AIF1L: variants seen among roughly 807,000 people sequenced by gnomAD.
The protein encoded by AIF1L is allograft inflammatory factor 1-like.
In AIF1L, 12 loss-of-function variants were observed where a neutral mutation model predicts 20.7. That is an observed-to-expected ratio of 0.58 (90% CI 0.37 to 0.94). The LOEUF (loss-of-function observed/expected upper bound fraction) is 0.94, where lower values mean the gene tolerates loss of function less well. AIF1L is among the 40% of genes least tolerant of loss of function. The probability of loss-of-function intolerance (pLI) is 0.01; values close to 1 mark genes in which losing one functional copy is unlikely to be tolerated. For synonymous variants in AIF1L, 76 were observed against 65.1 expected, an observed-to-expected ratio of 1.17 and a Z score of -0.81; for missense variants, 173 against 185.3, an observed-to-expected ratio of 0.93 and a Z score of 0.39.
Position 131,096,927 on chromosome 9 carries a change from C to T in AIF1L, c.93+64C>T, listed in dbSNP as rs528875263. On this transcript the variant is annotated intron_variant, in intron 2 of 5. Transcript: ENST00000247291. ...CGCGCGCTGCGCGGGTGCCACCTCT[C>T]CTTCCGCGAGGCCGTGCCCGCCTCC... 4 of 1,463,908 alleles carry T rather than the reference C, an allele frequency of 2.7e-6. No homozygotes were observed. In the South Asian group the frequency reaches 5.2e-5, roughly 19 times the overall value. 90.7% of individuals were successfully genotyped at this position (1,463,908 alleles called of 1,614,324 possible). A position where few individuals can be genotyped will look rare whatever the true frequency, so the allele number is the denominator to read the frequency against.
chr9:131,099,311 C>T (rs1317257708), intron 2 of AIF1L, among the ~76,000 whole-genome samples: 1 of 152,174 alleles, frequency 6.6e-6, no homozygotes, highest in Non-Finnish European at 1.5e-5. Flanking sequence ...CTCTGGAGTC[C>T]CTGCAACAAT....
intron 2 of AIF1L, among the ~76,000 whole-genome samples, chr9:131,100,002 C>T (rs1830602938): frequency 6.6e-6 from 1 of 152,102 alleles, no homozygotes; most frequent in African/African-American, 2.4e-5. Context: ...GCTAGGATTA[C>T]AGGCGTGAGC....
chr9:131,104,018 A>T lies in AIF1L; in HGVS notation c.93+7155A>T, dbSNP rs377433430. 2.0e-5 allele frequency among the ~76,000 whole-genome samples: 3 copies of T among 152,224 alleles called. No homozygotes were observed. In the East Asian group the frequency reaches 5.8e-4, roughly 29 times the overall value. ...TTCTGGTTCTGTGGCTGGGTGGATAATTTAACAGCTCTGCCACCTCCCAGG... is the reference window on the plus strand; with the variant it reads ...TTCTGGTTCTGTGGCTGGGTGGATATTTTAACAGCTCTGCCACCTCCCAGG... On this transcript the variant is annotated intron_variant, in intron 2 of 5. Coordinates refer to ENST00000247291, the MANE Select transcript of AIF1L (RefSeq NM_031426.4).
chr9:131,116,695 C>G (rs1831021207), intron 4 of AIF1L, among the ~76,000 whole-genome samples: 1 of 152,258 alleles, frequency 6.6e-6, no homozygotes, highest in Non-Finnish European at 1.5e-5. Flanking sequence ...TAAAGAACCT[C>G]TTTGTACATG....
intron 3 of AIF1L, among the ~76,000 whole-genome samples, chr9:131,113,606 C>T (rs1006199300): frequency 1.3e-5 from 2 of 151,668 alleles, no homozygotes; most frequent in Non-Finnish European, 2.9e-5. Flanking sequence ...GTGTATCCCC[C>T]CTGAGATCAC....
chr9:131,112,087 G>A (rs1178255707), intron 3 of AIF1L: 1 of 171,958 alleles, frequency 5.8e-6, no homozygotes, highest in Non-Finnish European at 1.3e-5. Flanking sequence ...TGTCACCGCA[G>A]TGGGGCAGGG....
intron 2 of AIF1L, among the ~76,000 whole-genome samples, chr9:131,109,515 C>A (rs1446298280): frequency 6.6e-6 from 1 of 152,030 alleles, no homozygotes; most frequent in African/African-American, 2.4e-5. Flanking sequence ...GCCAACATTG[C>A]GCCACTGGAC....
rs1336083090 is a variant in AIF1L, at chr9:131,096,609, G to T, written c.-21G>T. The T allele has an allele frequency of 8.1e-6, 12 of 1,484,612 alleles. No homozygotes were observed. The highest frequency in any genetic ancestry group is 8.9e-6 in the Non-Finnish European group (10 of 1,125,836). The allele number at this position is 1,484,612 out of a possible 1,614,324, so 92.0% of individuals were successfully genotyped here. ...CGCCGCGTCCGCGAAGCCTGGAGCCGGCGGGAGCCCCGCGCTCGCCATGTC... is the reference window on the plus strand; with the variant it reads ...CGCCGCGTCCGCGAAGCCTGGAGCCTGCGGGAGCCCCGCGCTCGCCATGTC... On this transcript the variant is annotated 5_prime_UTR_variant, in exon 1 of 6. Coordinates refer to ENST00000247291, the MANE Select transcript of AIF1L (RefSeq NM_031426.4).
chr9:131,111,641 A>G lies in AIF1L; in HGVS notation c.138A>G (p.Pro46=), dbSNP rs771959300. 1.1e-5 allele frequency: 17 copies of G among 1,613,946 alleles called. No homozygotes were observed. The highest frequency in any genetic ancestry group is 1.6e-4 in the Middle Eastern group (1 of 6,084). The change falls in exon 3 of 6, where the codon CCA becomes CCG. Residue 46 remains proline (P), a synonymous_variant. Coordinates refer to ENST00000247291, the MANE Select transcript of AIF1L (RefSeq NM_031426.4). ...AGTACAGTGATGAAGAGAACCTTCC[A>G]GAAAAGCTCACAGCCTTCAAAGGTA... ...DQKYSDEENL[P]EKLTAFKEKY...
intron 4 of AIF1L, among the ~76,000 whole-genome samples, chr9:131,116,215 G>GA (rs1200887132): frequency 1.3e-5 from 2 of 152,004 alleles, no homozygotes; most frequent in African/African-American, 4.8e-5. Flanking sequence ...AGCCCGGCCA[G>GA]AAAAAATAAG....
chr9:131,099,065 C>T (rs1830585659), intron 2 of AIF1L, among the ~76,000 whole-genome samples: 1 of 152,184 alleles, frequency 6.6e-6, no homozygotes, highest in South Asian at 2.1e-4. Context: ...GCAAGCCACT[C>T]ACCTCTCTGA....
chr9:131,108,034 G>A (rs12552058), intron 2 of AIF1L: 35,508 of 151,806 alleles, frequency 0.23, 4,566 homozygotes, highest in African/African-American at 0.33. Context: ...AAGTGGAGGC[G>A]GGGCCGTGCC....
Position 131,117,750 on chromosome 9 carries a change from C to T in AIF1L, c.203-6C>T, listed in dbSNP as rs757185426. On this transcript the variant is annotated splice_region_variant and splice_polypyrimidine_tract_variant and intron_variant, in intron 4 of 5. Coordinates refer to ENST00000247291, the MANE Select transcript of AIF1L (RefSeq NM_031426.4). The stretch of plus-strand genomic sequence containing the variant: ...CCACTTAACAGATCTGCTTTTCCCC[C>T]GGCAGACCTGATGTCTTTAAAGAGG... 1.4e-5 allele frequency: 22 copies of T among 1,604,170 alleles called. No individual in the cohort carries two copies. The highest frequency in any genetic ancestry group is 1.1e-4 in the East Asian group (5 of 44,736).
intron 2 of AIF1L, among the ~76,000 whole-genome samples, chr9:131,101,097 C>T (rs1830631451): frequency 6.6e-6 from 1 of 151,734 alleles, no homozygotes; most frequent in African/African-American, 2.4e-5. Context: ...GGGGTTTCAC[C>T]ATATTGGTCA....
rs10612336 is a variant in AIF1L at position 131,119,506 on chromosome 9, GA to G, written c.366-712del. Among the ~76,000 whole-genome samples the G allele has an allele frequency of 6.3e-3, 889 of 140,484 alleles. 10 individuals are homozygous for G. The highest frequency in any genetic ancestry group is 0.023 in the African/African-American group (845 of 36,930). 92.2% of individuals were successfully genotyped at this position (140,484 alleles called of 152,430 possible). Reference sequence around the variant, plus strand: ...GCAAGAACAAAACTCTGTCTCAAAAGAAAAAAAAAAAAAAAAAGAAAACAGA... The same window carrying G: ...GCAAGAACAAAACTCTGTCTCAAAAGAAAAAAAAAAAAAAAAGAAAACAGA... On this transcript the variant is annotated intron_variant, in intron 5 of 5. Coordinates refer to ENST00000247291, the MANE Select transcript of AIF1L (RefSeq NM_031426.4).
rs571144480 is a variant in AIF1L, at chr9:131,111,589, C to T, written c.94-8C>T. On this transcript the variant is annotated splice_polypyrimidine_tract_variant and splice_region_variant and intron_variant, in intron 2 of 5. Coordinates refer to ENST00000247291, the MANE Select transcript of AIF1L (RefSeq NM_031426.4). ...CCCTTGCTCAGCACTGTCCTCTCAC[C>T]TCTGTAGGAGTTTCTGTGTGACCAG... 17 of 1,613,430 alleles carry T rather than the reference C, an allele frequency of 1.1e-5. No homozygotes were observed. The South Asian group carries it at 1.8e-4, about 17-fold the overall frequency.
chr9:131,113,417 G>A (rs1158945698), intron 3 of AIF1L, among the ~76,000 whole-genome samples: 1 of 140,284 alleles, frequency 7.1e-6, no homozygotes, highest in African/African-American at 2.6e-5. Flanking sequence ...AGGATTGCTT[G>A]AACCCAGGAG....
At chr9:131,100,839 GA>G (rs1362871375) in intron 2 of AIF1L, among the ~76,000 whole-genome samples, 1 of 152,216 alleles carries the variant, frequency 6.6e-6, no homozygotes, top group African/African-American at 2.4e-5. Context: ...GACTTAGCAG[GA>G]GGCGCTCAGG....
chr9:131,106,186 A>G, intron 2 of AIF1L: 2 of 1,535,208 alleles, frequency 1.3e-6, no homozygotes, highest in East Asian at 4.9e-5. Context: ...CTTCCTCCTC[A>G]GTACTGTGCA....
Sources: gnomAD v4.1 joint callset for allele counts (sites outside exome capture counted in the v4.1 genomes callset) on GRCh38, gnomAD v4.1.1 for gene constraint, MANE v1.5 for transcripts, NCBI Gene and HGNC (gene_info 2026-07-23, HGNC 2026-07-21) for gene names.